The following LYRM9 variants were observed in gnomAD, a reference collection of about 807,000 sequenced individuals.
LYRM9 encodes LYR motif-containing protein 9.
A neutral mutation model predicts 12.6 loss-of-function variants in LYRM9; 14 were observed. The ratio of observed to expected loss-of-function variants is 1.11; its 90% CI spans 0.73 to 1.73. The LOEUF (loss-of-function observed/expected upper bound fraction) is 1.73. Ranked by LOEUF, LYRM9 falls within the 40% of genes most tolerant of loss-of-function variation. The pLI, the probability that LYRM9 is intolerant of heterozygous loss-of-function variation, is 0.00. For synonymous variants in LYRM9, 42 were observed against 35.1 expected, an observed-to-expected ratio of 1.20 and a Z score of -0.69; for missense variants, 94 against 95.0, an observed-to-expected ratio of 0.99 and a Z score of 0.04.
chr17:27,889,786 T>C (rs1597596313), intron 1 of LYRM9, among the ~76,000 whole-genome samples: 2 of 152,124 alleles, frequency 1.3e-5, no homozygotes, highest in East Asian at 3.9e-4. Flanking sequence ...AGTAACCCTA[T>C]ATACTGTAAG....
chr17:27,886,227 A>G lies in LYRM9; in HGVS notation c.-18-3515T>C, dbSNP rs765294861. ...AGAGCACAACTTTGTTTCATTACTTAAAAACTCAAGCAATACTTAGTAACC... is the reference window on the plus strand; with the variant it reads ...AGAGCACAACTTTGTTTCATTACTTGAAAACTCAAGCAATACTTAGTAACC... On this transcript the variant is annotated intron_variant, in intron 1 of 3. Transcript: ENST00000379102. The surrounding 1 kb of genome is among the most constrained non-coding windows in gnomAD (Gnocchi z 4.8). Among the ~76,000 whole-genome samples the G allele has an allele frequency of 3.3e-5, 5 of 152,248 alleles. No individual in the cohort carries two copies. Among genetic ancestry groups the G allele is most frequent in the Non-Finnish European group, 7.3e-5 (5 of 68,048 alleles).
intron 1 of LYRM9, among the ~76,000 whole-genome samples, chr17:27,888,831 C>G (rs1034026557): frequency 6.6e-6 from 1 of 152,144 alleles, no homozygotes; most frequent in African/African-American, 2.4e-5. Context: ...ACTCACAAGT[C>G]CCCCATTTTC....
At chr17:27,881,414 C>T (rs1315463581) in intron 2 of LYRM9, among the ~76,000 whole-genome samples, 1 of 151,736 alleles carries the variant, frequency 6.6e-6, no homozygotes, top group Non-Finnish European at 1.5e-5. Context: ...TTCCACAGCC[C>T]TCTGTGGCTA....
chr17:27,879,216 A>G lies in LYRM9; in HGVS notation c.*257T>C. ...GTAAAAGAACAAAAACACAAAAATA[A>G]AAAACACACAAAAGAAGCAAAAAAA... On this transcript the variant is annotated 3_prime_UTR_variant, in exon 4 of 4. Coordinates refer to ENST00000379102, the MANE Select transcript of LYRM9 (RefSeq NM_001076680.3). The G allele has an allele frequency of 2.3e-6, 1 of 427,360 alleles. No individual in the cohort carries two copies. The highest frequency in any genetic ancestry group is 4.2e-6 in the Non-Finnish European group (1 of 240,384). The allele number at this position is 427,360 out of a possible 1,614,324, so 26.5% of individuals were successfully genotyped here. A position where few individuals can be genotyped will look rare whatever the true frequency, so the allele number is the denominator to read the frequency against.
rs547701361 is a variant in LYRM9, at chr17:27,886,979, C to T, written c.-18-4267G>A. Among the ~76,000 whole-genome samples the T allele has an allele frequency of 3.3e-5, 5 of 152,184 alleles. No individual in the cohort carries two copies. The highest frequency in any genetic ancestry group is 3.3e-4 in the Admixed American group (5 of 15,282). On this transcript the variant is annotated intron_variant, in intron 1 of 3. Transcript: ENST00000379102. This position sits in a 1 kb window ranked among gnomAD's most constrained non-coding sequence, Gnocchi z 4.8. Reference sequence around the variant, plus strand: ...CTGGTTTCTAATTCCTATCAAATTCCACCTCTGAATGCCCCTCATATTTTT... The same window carrying T: ...CTGGTTTCTAATTCCTATCAAATTCTACCTCTGAATGCCCCTCATATTTTT...
At chr17:27,891,927 CTTT>C (rs139787914) in intron 1 of LYRM9, 7 of 132,944 alleles carry the variant, frequency 5.3e-5, no homozygotes, top group Admixed American at 7.7e-5. Context: ...GCTTGAACAT[CTTT>C]TTTTTTTTTT....
intron 1 of LYRM9, chr17:27,892,329 G>C (rs1905483898): frequency 2.3e-6 from 1 of 440,822 alleles, no homozygotes; most frequent in Non-Finnish European, 4.5e-6. Context: ...TTCAACACCT[G>C]TGAAATGAAG....
Position 27,886,287 on chromosome 17 carries a change from C to G in LYRM9, c.-18-3575G>C, listed in dbSNP as rs1905229070. Among the ~76,000 whole-genome samples the G allele has an allele frequency of 6.6e-6, 1 of 152,310 alleles. No homozygotes were observed. Among genetic ancestry groups the G allele is most frequent in the South Asian group, 2.1e-4 (1 of 4,826 alleles). Reference sequence around the variant, plus strand: ...AGTATGGGCGGCAGATTATTTTCAGCTCAATTATAATACTTAGTCATTCTC... The same window carrying G: ...AGTATGGGCGGCAGATTATTTTCAGGTCAATTATAATACTTAGTCATTCTC... On this transcript the variant is annotated intron_variant, in intron 1 of 3. Coordinates refer to ENST00000379102, the MANE Select transcript of LYRM9 (RefSeq NM_001076680.3). This position sits in a 1 kb window ranked among gnomAD's most constrained non-coding sequence, Gnocchi z 4.8.
intron 1 of LYRM9, among the ~76,000 whole-genome samples, chr17:27,889,688 G>A (rs1053169904): frequency 2.0e-5 from 3 of 152,080 alleles, no homozygotes; most frequent in African/African-American, 4.8e-5. Flanking sequence ...CCTTAGGGGG[G>A]TCTGTTATAT....
At chr17:27,879,540 G>A in intron 3 of LYRM9, 50 bp from the exon 4 acceptor site, 1 of 1,543,784 alleles carries the variant, frequency 6.5e-7, no homozygotes, top group African/African-American at 1.4e-5. Context: ...ACAGGGGCAG[G>A]AGGACTCTGG....
At chr17:27,882,893 C>T (rs1462877853) in intron 1 of LYRM9, 181 bp from the exon 2 acceptor site, 1 of 700,150 alleles carries the variant, frequency 1.4e-6, no homozygotes, top group Non-Finnish European at 2.6e-6. Flanking sequence ...AGCTCTAGCC[C>T]AGAGCAGGCC....
rs1904928899 is a variant in LYRM9, at chr17:27,878,693, C to G, written c.*780G>C. On this transcript the variant is annotated 3_prime_UTR_variant, in exon 4 of 4. Transcript: ENST00000379102. The stretch of plus-strand genomic sequence containing the variant: ...CCATGGCAGCTGCTTTGGCGTCTCT[C>G]CTTGGTTCATGTGGTGGGCACTTCA... 1 of 152,260 alleles carries G rather than the reference C, an allele frequency of 6.6e-6. No homozygotes were observed. The highest frequency in any genetic ancestry group is 1.5e-5 in the Non-Finnish European group (1 of 68,116). The allele number at this position is 152,260 out of a possible 1,614,324, so 9.4% of individuals were successfully genotyped here. A position where few individuals can be genotyped will look rare whatever the true frequency, so the allele number is the denominator to read the frequency against.
rs1396891636 is a variant in LYRM9, at chr17:27,879,301, C to T, written c.*172G>A. On this transcript the variant is annotated 3_prime_UTR_variant, in exon 4 of 4. Transcript: ENST00000379102. ...GCTGGAAGTGCAAACATAAAGGATGCTAGCAACATGGCCGCGGCAAGAGGA... is the reference window on the plus strand; with the variant it reads ...GCTGGAAGTGCAAACATAAAGGATGTTAGCAACATGGCCGCGGCAAGAGGA... 1.8e-6 allele frequency: 1 copy of T among 565,644 alleles called. No homozygotes were observed. Among genetic ancestry groups the T allele is most frequent in the Non-Finnish European group, 2.9e-6 (1 of 341,952 alleles). The allele number at this position is 565,644 out of a possible 1,614,324, so 35.0% of individuals were successfully genotyped here.
chr17:27,883,514 G>A (rs780712085), intron 1 of LYRM9, among the ~76,000 whole-genome samples: 1 of 152,108 alleles, frequency 6.6e-6, no homozygotes, highest in Non-Finnish European at 1.5e-5. Context: ...GCCAGGCTTA[G>A]TGGTGCATGC....
chr17:27,884,048 C>T (rs1277148125), intron 1 of LYRM9, among the ~76,000 whole-genome samples: 1 of 149,346 alleles, frequency 6.7e-6, no homozygotes, highest in Admixed American at 6.7e-5. Flanking sequence ...CCCGCCCTCC[C>T]GACGTCCCCA....
At chr17:27,888,348 C>A (rs144601482) in intron 1 of LYRM9, among the ~76,000 whole-genome samples, 12 of 152,332 alleles carry the variant, frequency 7.9e-5, no homozygotes, top group African/African-American at 2.9e-4. Flanking sequence ...AGTTCAGGCT[C>A]TTGCTGGGGT....
At chr17:27,890,892 T>A (rs1333780594) in intron 1 of LYRM9, among the ~76,000 whole-genome samples, 1 of 151,298 alleles carries the variant, frequency 6.6e-6, no homozygotes, top group Non-Finnish European at 1.5e-5. Flanking sequence ...CACATCTGTG[T>A]TCTCCCAAGC....
At chr17:27,880,225 G>A in intron 3 of LYRM9, 49 bp downstream of exon 3, 1 of 1,425,044 alleles carries the variant, frequency 7.0e-7, no homozygotes, top group African/African-American at 1.4e-5. Context: ...GGGGATCACA[G>A]CCATCATCAC....
At chr17:27,892,707 C>G (rs577040296) in intron 1 of LYRM9, 31 of 297,294 alleles carry the variant, frequency 1.0e-4, no homozygotes, top group South Asian at 9.3e-4. Flanking sequence ...GGGTAATGTT[C>G]TAAAACATTA....
Sources: allele counts gnomAD v4.1 joint callset (sites outside exome capture counted in the v4.1 genomes callset), GRCh38; gene constraint gnomAD v4.1.1; non-coding constraint Gnocchi (gnomAD v3.1); transcripts MANE v1.5; gene names NCBI Gene and HGNC (gene_info 2026-07-23, HGNC 2026-07-21).